The following TTC23 variants were observed in gnomAD, a reference collection of about 807,000 sequenced individuals.
TTC23 encodes the protein tetratricopeptide repeat domain 23.
TTC23 carries 58 observed loss-of-function variants against 55.1 expected under a neutral mutation model. The observed-to-expected ratio is 1.05, with a 90% CI of 0.85 to 1.31. TTC23 has a LOEUF of 1.31. TTC23 is among the 50% of genes most tolerant of loss of function. TTC23 has a pLI of 0.00. For synonymous variants in TTC23, 203 were observed against 199.9 expected, an observed-to-expected ratio of 1.02 and a Z score of -0.13; for missense variants, 516 against 534.4, an observed-to-expected ratio of 0.97 and a Z score of 0.34.
chr15:99,212,908 C>T (rs1238640443), intron 8 of TTC23, among the ~76,000 whole-genome samples: 1 of 150,426 alleles, frequency 6.6e-6, no homozygotes, highest in African/African-American at 2.5e-5. Flanking sequence ...CTGCTTGAGC[C>T]CAGGAGGTCA....
intron 9 of TTC23, among the ~76,000 whole-genome samples, chr15:99,177,951 A>C (rs2073751156): frequency 1.3e-5 from 2 of 152,282 alleles, no homozygotes; most frequent in East Asian, 3.9e-4. Context: ...AGGCCGAGGC[A>C]GGAGGATCAC....
intron 3 of TTC23, among the ~76,000 whole-genome samples, chr15:99,238,858 G>A (rs1377137951): frequency 1.3e-5 from 2 of 152,004 alleles, no homozygotes; most frequent in Non-Finnish European, 2.9e-5. Context: ...ATCCCAGAGT[G>A]GGTACAGTAT....
intron 11 of TTC23, chr15:99,161,199 C>G (rs2071336851): frequency 6.6e-6 from 1 of 152,280 alleles, no homozygotes; most frequent in African/African-American, 2.4e-5. Flanking sequence ...TACACACACA[C>G]ACATATATAA....
chr15:99,178,387 T>C (rs2073807598), intron 9 of TTC23, among the ~76,000 whole-genome samples: 1 of 152,046 alleles, frequency 6.6e-6, no homozygotes, highest in African/African-American at 2.4e-5. Context: ...GGGAAGGGGG[T>C]TTGACGGGGG....
chr15:99,147,811 T>G (rs1450204316), intron 12 of TTC23, among the ~76,000 whole-genome samples: 1 of 152,162 alleles, frequency 6.6e-6, no homozygotes, highest in African/African-American at 2.4e-5. Context: ...GAAAACAATG[T>G]GGCGTGGCGT....
At chr15:99,204,728 T>C (rs1266610427) in intron 8 of TTC23, among the ~76,000 whole-genome samples, 1 of 135,996 alleles carries the variant, frequency 7.4e-6, no homozygotes. Flanking sequence ...CTCAACCTCC[T>C]GGGCTCAAAT....
chr15:99,228,551 G>C lies in TTC23; in HGVS notation c.162C>G (p.Ser54=). 2 of 1,612,818 alleles carry C rather than the reference G, an allele frequency of 1.2e-6. No homozygotes were observed. The highest frequency in any genetic ancestry group is 2.2e-5 in the East Asian group (1 of 44,872). The stretch of plus-strand genomic sequence containing the variant: ...TCCTTACCTCATGACTGTTGGAATA[G>C]GACTTTGCTTTCTCTTCACAGAGGT... ...KLHLCEEKAK[S]YSNSHEYKQA... The change falls in exon 5 of 14, where the codon TCC becomes TCG. Residue 54 remains serine, a synonymous_variant. Coordinates refer to ENST00000394132, the MANE Select transcript of TTC23 (RefSeq NM_001288615.3).
At chr15:99,208,580 T>C (rs751417842) in intron 8 of TTC23, among the ~76,000 whole-genome samples, 1 of 152,166 alleles carries the variant, frequency 6.6e-6, no homozygotes, top group Non-Finnish European at 1.5e-5. Context: ...CAGGTTGCTG[T>C]TGCAGGCTAT....
intron 9 of TTC23, among the ~76,000 whole-genome samples, chr15:99,199,599 A>G (rs1351245531): frequency 2.0e-5 from 3 of 151,054 alleles, no homozygotes; most frequent in African/African-American, 7.3e-5. Flanking sequence ...TCAGGTGAAG[A>G]CTTTAGAATG....
At chr15:99,164,365 T>C (rs1177481551) in intron 10 of TTC23, among the ~76,000 whole-genome samples, 9 of 152,162 alleles carry the variant, frequency 5.9e-5, no homozygotes, top group Non-Finnish European at 1.3e-4. Context: ...ATTTGGCCCA[T>C]GTGCATAAGT....
intron 12 of TTC23, among the ~76,000 whole-genome samples, chr15:99,142,299 T>C (rs944529784): frequency 1.3e-5 from 2 of 152,182 alleles, no homozygotes; most frequent in Non-Finnish European, 2.9e-5. Flanking sequence ...CTTCCCCCAC[T>C]GCCACCCATC....
rs2067707762 is a variant in TTC23, at chr15:99,137,758, T to A, written c.*252A>T. The A allele has an allele frequency of 7.9e-6, 4 of 507,826 alleles. No individual in the cohort carries two copies. The highest frequency in any genetic ancestry group is 5.3e-4 in the Middle Eastern group (1 of 1,900). The allele number at this position is 507,826 out of a possible 1,614,324, so 31.5% of individuals were successfully genotyped here. ...CCACAGTAGTGCTGATGGGTAAAAATTCTTGTTGGCAAGAAAAACCACTTA... is the reference window on the plus strand; with the variant it reads ...CCACAGTAGTGCTGATGGGTAAAAAATCTTGTTGGCAAGAAAAACCACTTA... On this transcript the variant is annotated 3_prime_UTR_variant, in exon 14 of 14. Transcript: ENST00000394132.
intron 1 of TTC23, among the ~76,000 whole-genome samples, chr15:99,246,698 A>T (rs2080269934): frequency 1.3e-5 from 2 of 152,008 alleles, no homozygotes; most frequent in Admixed American, 1.3e-4. Context: ...AGGCAGGTGG[A>T]TCACGAGTTC....
intron 9 of TTC23, among the ~76,000 whole-genome samples, chr15:99,181,730 C>T (rs1057193701): frequency 6.6e-6 from 1 of 152,176 alleles, no homozygotes; most frequent in African/African-American, 2.4e-5. Flanking sequence ...CCACACACCC[C>T]TTGGAGGCCT....
At chr15:99,218,514 C>T in intron 8 of TTC23, 74 bp downstream of exon 8, 1 of 1,595,088 alleles carries the variant, frequency 6.3e-7, no homozygotes. Flanking sequence ...AGATGCTCCT[C>T]CTACCTGAGA....
chr15:99,168,348 A>C (rs887296706), intron 10 of TTC23, among the ~76,000 whole-genome samples: 1 of 152,196 alleles, frequency 6.6e-6, no homozygotes, highest in African/African-American at 2.4e-5. Context: ...GCCTGCCTTA[A>C]GTGTCCTCAC....
intron 5 of TTC23, 185 bp downstream of exon 5, chr15:99,228,348 G>C: frequency 4.4e-6 from 2 of 454,592 alleles, no homozygotes; most frequent in Non-Finnish European, 7.6e-6. Context: ...TTGGCCATGC[G>C]AACTGCTGTG....
intron 12 of TTC23, among the ~76,000 whole-genome samples, chr15:99,145,692 C>G (rs553516292): frequency 6.6e-6 from 1 of 152,078 alleles, no homozygotes; most frequent in Admixed American, 6.6e-5. Flanking sequence ...GTCTCTGTCT[C>G]TCTCTCTTTC....
At chr15:99,154,720 T>C (rs1041145600) in intron 12 of TTC23, among the ~76,000 whole-genome samples, 1 of 152,236 alleles carries the variant, frequency 6.6e-6, no homozygotes, top group Admixed American at 6.5e-5. Flanking sequence ...TAATCTCCAC[T>C]GATGCTGAAA....
Sources: gnomAD v4.1 joint callset for allele counts (sites outside exome capture counted in the v4.1 genomes callset) on GRCh38, gnomAD v4.1.1 for gene constraint, MANE v1.5 for transcripts, NCBI Gene and HGNC (gene_info 2026-07-23, HGNC 2026-07-21) for gene names.